Variants in NRXN3 observed in about 807,000 individuals in gnomAD.
NRXN3 encodes the protein neurexin III.
A neutral mutation model predicts 137.6 loss-of-function variants in NRXN3; 32 were observed. The ratio of observed to expected loss-of-function variants is 0.23; its 90% CI spans 0.18 to 0.31. The LOEUF is 0.31. NRXN3 is among the 10% of genes least tolerant of loss of function. The pLI, the probability that NRXN3 is intolerant of heterozygous loss-of-function variation, is 1.00. For missense variants in NRXN3, 1,574 were observed against 2,062.5 expected (o/e 0.76, Z 4.59); for synonymous variants, 798 against 784.5 (o/e 1.02, Z -0.29).
At chr14:79,590,492 T>C (rs1324171068) in intron 16 of NRXN3, among the ~76,000 whole-genome samples, 1 of 150,198 alleles carries the variant, frequency 6.7e-6, no homozygotes, top group Admixed American at 6.6e-5. Context: ...AAGCACACTT[T>C]ACATTAGCCA....
intron 2 of NRXN3, among the ~76,000 whole-genome samples, chr14:78,259,394 C>T (rs1402253410): frequency 6.6e-6 from 1 of 152,172 alleles, no homozygotes; most frequent in Non-Finnish European, 1.5e-5. Context: ...GTGAGTTAAA[C>T]ATGATTAAAC....
At chr14:79,284,305 C>T (rs1449790768) in intron 15 of NRXN3, among the ~76,000 whole-genome samples, 1 of 138,552 alleles carries the variant, frequency 7.2e-6, no homozygotes, top group African/African-American at 2.6e-5. Context: ...TGAGACCTGC[C>T]TGGCCAACAT....
At position 79,200,157 on chromosome 14, in the gene NRXN3, G is replaced by A. The variant is rs529798944; in HGVS notation, c.3262+212016G>A. On this transcript the variant is annotated intron_variant, in intron 15 of 20. Coordinates refer to ENST00000335750, the MANE Select transcript of NRXN3 (RefSeq NM_001330195.2). The stretch of plus-strand genomic sequence containing the variant: ...GTCATTTTCAGTTCTGAAGGTGAGA[G>A]TTTTGAGGTTTGGATGACTATGAAA... The A allele has an allele frequency of 2.6e-4, 40 of 152,314 alleles. 1 individual carries two copies. The highest frequency in any genetic ancestry group is 9.6e-4 in the African/African-American group (40 of 41,572). The allele number at this position is 152,314 out of a possible 1,614,324, so 9.4% of individuals were successfully genotyped here. A position where few individuals can be genotyped will look rare whatever the true frequency, so the allele number is the denominator to read the frequency against.
intron 15 of NRXN3, among the ~76,000 whole-genome samples, chr14:79,254,235 C>T (rs1477404194): frequency 6.6e-6 from 1 of 152,202 alleles, no homozygotes; most frequent in African/African-American, 2.4e-5. Flanking sequence ...CTGTAACACA[C>T]AGTCCACAAG....
chr14:78,360,932 C>T (rs1395485868), intron 4 of NRXN3, among the ~76,000 whole-genome samples: 1 of 152,182 alleles, frequency 6.6e-6, no homozygotes, highest in Non-Finnish European at 1.5e-5. Flanking sequence ...TACCCCAATC[C>T]ACTGAGGTAT....
intron 10 of NRXN3, among the ~76,000 whole-genome samples, chr14:78,872,254 T>C (rs972799509): frequency 7.5e-6 from 1 of 132,618 alleles, no homozygotes; most frequent in Non-Finnish European, 1.7e-5. Context: ...ATATTTATTA[T>C]ATATGTATAT....
At chr14:79,381,307 A>G (rs766830126) in intron 15 of NRXN3, among the ~76,000 whole-genome samples, 4 of 152,056 alleles carry the variant, frequency 2.6e-5, no homozygotes, top group Non-Finnish European at 2.9e-5. Flanking sequence ...GTGTTTCTCA[A>G]ATTTATTTGC....
chr14:79,272,688 A>G (rs532278878), intron 15 of NRXN3, among the ~76,000 whole-genome samples: 30 of 152,310 alleles, frequency 2.0e-4, no homozygotes, highest in African/African-American at 7.0e-4. Context: ...TTATAAAACA[A>G]TTCTGGGGTT....
At chr14:78,386,402 G>C (rs1200994141) in intron 4 of NRXN3, among the ~76,000 whole-genome samples, 1 of 152,156 alleles carries the variant, frequency 6.6e-6, no homozygotes, top group Non-Finnish European at 1.5e-5. Context: ...GTACCCCTGT[G>C]ATGAAGGTTC....
At chr14:79,859,078 ACT>A (rs2099409039) in intron 20 of NRXN3, among the ~76,000 whole-genome samples, 1 of 152,070 alleles carries the variant, frequency 6.6e-6, no homozygotes, top group Non-Finnish European at 1.5e-5. Flanking sequence ...ATAGTTTCAA[ACT>A]CTGAGCACCA....
intron 4 of NRXN3, among the ~76,000 whole-genome samples, chr14:78,572,874 A>G (rs1002173544): frequency 2.6e-5 from 4 of 152,214 alleles, no homozygotes; most frequent in South Asian, 2.1e-4. Flanking sequence ...TCCACGGAAC[A>G]TGGCAGTTGA....
intron 1 of NRXN3, among the ~76,000 whole-genome samples, chr14:78,172,275 T>C (rs750371360): frequency 3.5e-4 from 54 of 152,152 alleles, no homozygotes; most frequent in Non-Finnish European, 7.3e-4. Flanking sequence ...TGGAGGTTAG[T>C]CTGGGGAGGC....
At chr14:79,321,067 A>G (rs774247037) in intron 15 of NRXN3, among the ~76,000 whole-genome samples, 2 of 151,994 alleles carry the variant, frequency 1.3e-5, no homozygotes, top group East Asian at 1.9e-4. Context: ...TACCAGTGCA[A>G]TTTTCCATAT....
At chr14:79,222,313 G>A (rs764117024) in intron 15 of NRXN3, among the ~76,000 whole-genome samples, 2 of 152,066 alleles carry the variant, frequency 1.3e-5, no homozygotes, top group Non-Finnish European at 2.9e-5. Context: ...AGCTTGATGG[G>A]GATAGCATTG....
intron 16 of NRXN3, among the ~76,000 whole-genome samples, chr14:79,510,480 C>T (rs2096922064): frequency 6.6e-6 from 1 of 152,180 alleles, no homozygotes; most frequent in Non-Finnish European, 1.5e-5. Context: ...TTCAGAATAC[C>T]TTGCCTCACT....
chr14:78,734,178 A>G (rs1434397085), intron 8 of NRXN3, among the ~76,000 whole-genome samples: 2 of 150,750 alleles, frequency 1.3e-5, no homozygotes, highest in Non-Finnish European at 2.9e-5. Context: ...TAGGTTTAAA[A>G]GAGCCAAACA....
chr14:78,520,753 T>C (rs2096273284), intron 4 of NRXN3, among the ~76,000 whole-genome samples: 1 of 152,160 alleles, frequency 6.6e-6, no homozygotes, highest in Admixed American at 6.5e-5. Flanking sequence ...AGTGATGCAG[T>C]TGGGAACGAT....
intron 10 of NRXN3, among the ~76,000 whole-genome samples, chr14:78,936,382 G>A (rs2099338846): frequency 6.6e-6 from 1 of 152,106 alleles, no homozygotes; most frequent in Admixed American, 6.5e-5. Flanking sequence ...ACTCACCAAG[G>A]AACTATGGAG....
intron 16 of NRXN3, among the ~76,000 whole-genome samples, chr14:79,659,975 A>G (rs1255779876): frequency 6.6e-6 from 1 of 152,150 alleles, no homozygotes; most frequent in African/African-American, 2.4e-5. Flanking sequence ...CATCATGTTC[A>G]TCATATTATA....
Sources: allele counts gnomAD v4.1 joint callset (sites outside exome capture counted in the v4.1 genomes callset), GRCh38; gene constraint gnomAD v4.1.1; transcripts MANE v1.5; gene names NCBI Gene and HGNC (gene_info 2026-07-23, HGNC 2026-07-21).